Variants in TENM3 observed in about 807,000 individuals in gnomAD.
The protein encoded by TENM3 is teneurin-3.
Under a neutral mutation model 255.1 loss-of-function variants are expected in TENM3, and 63 were observed. The observed-to-expected ratio is 0.25, with a 90% CI of 0.20 to 0.30. The LOEUF (loss-of-function observed/expected upper bound fraction) is 0.30. Ranked by LOEUF, TENM3 falls within the 10% of genes least tolerant of loss-of-function variation. The probability of loss-of-function intolerance (pLI) is 1.00; values close to 1 mark genes in which losing one functional copy is unlikely to be tolerated. For synonymous variants in TENM3, 1,306 were observed against 1,322.3 expected (o/e 0.99, Z 0.27); for missense variants, 2,929 against 3,461.1 (o/e 0.85, Z 3.86).
chr4:182,619,876 A>T (rs1406294144), intron 4 of TENM3, among the ~76,000 whole-genome samples: 1 of 152,226 alleles, frequency 6.6e-6, no homozygotes, highest in African/African-American at 2.4e-5. Flanking sequence ...CATTGGAAAC[A>T]TCAGAACAAA....
rs184898288 is a variant in TENM3 at position 182,674,731 on chromosome 4, G to A, written c.1326+1512G>A. The stretch of plus-strand genomic sequence containing the variant: ...GCTGGGACTACAGATGCGTGTCACC[G>A]CCCCCGGCTAATTTTTGTATTTTTT... On this transcript the variant is annotated intron_variant, in intron 7 of 27. Coordinates refer to ENST00000511685, the MANE Select transcript of TENM3 (RefSeq NM_001080477.4). Among the ~76,000 whole-genome samples the A allele has an allele frequency of 3.8e-3, 583 of 151,558 alleles. 1 individual carries two copies. Among genetic ancestry groups the A allele is most frequent in the African/African-American group, 0.013 (545 of 41,330 alleles).
At chr4:182,279,700 C>G (rs1169792318) in intron 1 of TENM3, among the ~76,000 whole-genome samples, 1 of 152,152 alleles carries the variant, frequency 6.6e-6, no homozygotes, top group East Asian at 1.9e-4. Flanking sequence ...TTCTCTTGTT[C>G]TGTCGTTCAT....
At chr4:182,297,591 G>A (rs538075557) in intron 1 of TENM3, among the ~76,000 whole-genome samples, 6 of 152,256 alleles carry the variant, frequency 3.9e-5, no homozygotes, top group African/African-American at 9.6e-5. Flanking sequence ...GCTGCCTTAC[G>A]TCAGACACAC....
rs114661502 is a variant in TENM3, at chr4:182,541,570, G to A, written c.512-59354G>A. 6.5e-3 allele frequency among the ~76,000 whole-genome samples: 989 copies of A among 152,228 alleles called. 11 individuals carry two copies. The highest frequency in any genetic ancestry group is 0.023 in the African/African-American group (936 of 41,530). On this transcript the variant is annotated intron_variant, in intron 3 of 27. Coordinates refer to ENST00000511685, the MANE Select transcript of TENM3 (RefSeq NM_001080477.4). ...GCTATTTTATAGGAATTTTGCTAGT[G>A]GCTTAACATGCATTATCTTATGTAG...
At chr4:181,874,073 G>A in the TENM3 span, among the ~76,000 whole-genome samples, 12 of 151,790 alleles carry the variant, frequency 7.9e-5, 1 homozygote, top group Admixed American at 7.9e-4. Context: ...GTGAGCCACC[G>A]AGCCCAGCCT....
At chr4:182,160,734 G>T (rs570507532) in intron 1 of TENM3, among the ~76,000 whole-genome samples, 9 of 152,192 alleles carry the variant, frequency 5.9e-5, no homozygotes, top group Non-Finnish European at 1.2e-4. Context: ...TCATTTAGAT[G>T]TGGGAATGAG....
At chr4:181,571,936 T>C in the TENM3 span, among the ~76,000 whole-genome samples, 1 of 152,158 alleles carries the variant, frequency 6.6e-6, no homozygotes, top group African/African-American at 2.4e-5. Flanking sequence ...AAAGAGAATA[T>C]ATGTATATAT....
intron 5 of TENM3, among the ~76,000 whole-genome samples, chr4:182,653,292 G>GTACC (rs1445119466): frequency 6.6e-6 from 1 of 152,106 alleles, no homozygotes; most frequent in Non-Finnish European, 1.5e-5. Context: ...TGAATTTCAT[G>GTACC]TACCAACAAA....
chr4:181,836,508 A>C, the TENM3 span, among the ~76,000 whole-genome samples: 6 of 152,148 alleles, frequency 3.9e-5, no homozygotes, highest in Admixed American at 3.9e-4. Context: ...TTTCATATGA[A>C]TGACTGATCA....
chr4:182,206,982 G>A (rs376126062), intron 1 of TENM3, among the ~76,000 whole-genome samples: 17 of 152,146 alleles, frequency 1.1e-4, no homozygotes, highest in East Asian at 7.7e-4. Context: ...TGAGATGCTC[G>A]GAAATTTGTT....
intron 20 of TENM3, among the ~76,000 whole-genome samples, chr4:182,752,330 C>T (rs1762433794): frequency 6.6e-6 from 1 of 152,168 alleles, no homozygotes; most frequent in Non-Finnish European, 1.5e-5. Context: ...ATTCAGGCCA[C>T]ATCCTGTTCA....
At chr4:182,166,999 G>GA (rs1320524279) in intron 1 of TENM3, among the ~76,000 whole-genome samples, 1 of 152,132 alleles carries the variant, frequency 6.6e-6, no homozygotes, top group Non-Finnish European at 1.5e-5. Context: ...TGAGATTATT[G>GA]AAGTGGGCTA....
chr4:182,241,926 C>G (rs1579858833), upstream of TENM3, among the ~76,000 whole-genome samples: 1 of 152,018 alleles, frequency 6.6e-6, no homozygotes, highest in African/African-American at 2.4e-5. Flanking sequence ...ATTCCTGAAG[C>G]CAGTGGACCC....
chr4:182,265,986 T>C (rs193190204), intron 1 of TENM3, among the ~76,000 whole-genome samples: 1 of 152,340 alleles, frequency 6.6e-6, no homozygotes, highest in African/African-American at 2.4e-5. Context: ...TTAAAAATTG[T>C]TCAATTGACC....
At chr4:181,968,959 CTT>C in the TENM3 span, among the ~76,000 whole-genome samples, 2 of 141,286 alleles carry the variant, frequency 1.4e-5, no homozygotes, top group Non-Finnish European at 3.1e-5. Flanking sequence ...GAATACCTCT[CTT>C]GTCTCTCTCT....
chr4:182,492,171 G>A (rs1735362814), intron 3 of TENM3, among the ~76,000 whole-genome samples: 2 of 152,130 alleles, frequency 1.3e-5, no homozygotes, highest in Non-Finnish European at 1.5e-5. Context: ...ATTCCTAGTG[G>A]CACTATACAT....
At chr4:181,778,301 A>T in the TENM3 span, among the ~76,000 whole-genome samples, 1 of 152,146 alleles carries the variant, frequency 6.6e-6, no homozygotes, top group Non-Finnish European at 1.5e-5. Flanking sequence ...TTCTTAGTTT[A>T]TATCAAGATT....
chr4:182,118,585 C>T, the TENM3 span, among the ~76,000 whole-genome samples: 1 of 124,386 alleles, frequency 8.0e-6, no homozygotes, highest in African/African-American at 2.9e-5. Flanking sequence ...GTGCCAGCTC[C>T]CCCCTCCACC....
chr4:181,613,687 A>T, the TENM3 span, among the ~76,000 whole-genome samples: 1 of 152,212 alleles, frequency 6.6e-6, no homozygotes, highest in Non-Finnish European at 1.5e-5. Context: ...AGGGTGAAAT[A>T]ACGTAAAAAG....
Sources: gnomAD v4.1 joint callset for allele counts (sites outside exome capture counted in the v4.1 genomes callset) on GRCh38, gnomAD v4.1.1 for gene constraint, MANE v1.5 for transcripts, NCBI Gene and HGNC (gene_info 2026-07-23, HGNC 2026-07-21) for gene names.